Variants in CCDC38 observed in about 807,000 individuals in gnomAD.
CCDC38 encodes the protein coiled-coil domain-containing protein 38.
In CCDC38, 69 loss-of-function variants were observed where a neutral mutation model predicts 72.8. The observed-to-expected ratio is 0.95, with a 90% CI of 0.78 to 1.16. The LOEUF (loss-of-function observed/expected upper bound fraction) is 1.16. Among genes scored for constraint, CCDC38 ranks in the 50% most tolerant of loss-of-function variants. CCDC38 has a pLI of 0.00. For missense variants in CCDC38, 626 were observed against 638.9 expected (o/e 0.98, Z 0.22); for synonymous variants, 201 against 213.2 (o/e 0.94, Z 0.50).
Position 95,878,232 on chromosome 12 carries a change from T to C in CCDC38, c.1257A>G (p.Gly419=). 6.2e-7 allele frequency: 1 copy of C among 1,613,478 alleles called. No homozygotes were observed. ...LQLKSKLFSF[G]EFNSDAQEIL... is the part of the protein sequence containing the mutation. Reference sequence around the variant, plus strand: ...TTACCTGAGCATCTGAATTAAATTCTCCAAAGCTAAAGAGCTTGGACTTTA... The same window carrying C: ...TTACCTGAGCATCTGAATTAAATTCCCCAAAGCTAAAGAGCTTGGACTTTA... The change falls in exon 13 of 16, where the codon GGA becomes GGG. Residue 419 remains glycine (G), a synonymous_variant. Coordinates refer to ENST00000344280, the MANE Select transcript of CCDC38 (RefSeq NM_182496.3).
intron 1 of CCDC38, among the ~76,000 whole-genome samples, chr12:95,940,159 G>A (rs908422312): frequency 6.6e-6 from 1 of 152,080 alleles, no homozygotes; most frequent in Non-Finnish European, 1.5e-5. Context: ...GTCAACTGCC[G>A]CCATTTGAAA....
rs957624958 is a variant in CCDC38 at position 95,879,290 on chromosome 12, C to T, written c.1142+354G>A. On this transcript the variant is annotated intron_variant, in intron 12 of 15. Coordinates refer to ENST00000344280, the MANE Select transcript of CCDC38 (RefSeq NM_182496.3). This position sits in a 1 kb window ranked among gnomAD's most constrained non-coding sequence, Gnocchi z 5.5. ...CATTTGTTAGCATTATCATCCACAG[C>T]ATGATTTGGTAAAGTAAATGACAGC... 6.6e-6 allele frequency among the ~76,000 whole-genome samples: 1 copy of T among 152,180 alleles called. No homozygotes were observed. The highest frequency in any genetic ancestry group is 6.5e-5 in the Admixed American group (1 of 15,280).
chr12:95,903,518 G>C (rs2079971225), intron 5 of CCDC38: 3 of 696,654 alleles, frequency 4.3e-6, no homozygotes, highest in Non-Finnish European at 5.2e-6. Context: ...TAATGTTAGT[G>C]ATAAGTTTCT....
rs1291387148 is a variant in CCDC38, at chr12:95,879,236, T to C, written c.1142+408A>G. 2.0e-5 allele frequency among the ~76,000 whole-genome samples: 3 copies of C among 152,176 alleles called. No homozygotes were observed. The highest frequency in any genetic ancestry group is 4.4e-5 in the Non-Finnish European group (3 of 68,034). ...TATAATATTTAATCACAAAAATTAT[T>C]TTTCTGAGAGTCACAGCCAATGAAA... On this transcript the variant is annotated intron_variant, in intron 12 of 15. Transcript: ENST00000344280. The surrounding 1 kb of genome is among the most constrained non-coding windows in gnomAD (Gnocchi z 5.5).
At chr12:95,907,421 C>T (rs1244603148) in intron 4 of CCDC38, among the ~76,000 whole-genome samples, 4 of 134,504 alleles carry the variant, frequency 3.0e-5, no homozygotes, top group African/African-American at 6.1e-5. Context: ...CGCCCCTCAC[C>T]TCCCGGACGG....
intron 7 of CCDC38, 65 bp from the exon 8 acceptor site, chr12:95,895,211 A>C (rs538938030): frequency 2.5e-6 from 3 of 1,209,330 alleles, no homozygotes; most frequent in Non-Finnish European, 3.4e-6. Context: ...TTAGAAAAAA[A>C]TTTTTATAAA....
intron 2 of CCDC38, among the ~76,000 whole-genome samples, chr12:95,936,263 G>C (rs931185326): frequency 1.3e-5 from 2 of 151,998 alleles, no homozygotes; most frequent in Non-Finnish European, 2.9e-5. Flanking sequence ...GGGGCAATCT[G>C]GCTAAATATG....
chr12:95,939,766 G>T (rs1037405054), intron 1 of CCDC38, among the ~76,000 whole-genome samples: 1 of 152,182 alleles, frequency 6.6e-6, no homozygotes, highest in Non-Finnish European at 1.5e-5. Flanking sequence ...CCCCATGCTG[G>T]TTGATTTAAT....
chr12:95,909,347 C>A (rs1191285010), intron 4 of CCDC38, among the ~76,000 whole-genome samples: 3 of 152,048 alleles, frequency 2.0e-5, no homozygotes, highest in Non-Finnish European at 4.4e-5. Context: ...AAGATTGAAT[C>A]AGGAAGAAAT....
intron 1 of CCDC38, among the ~76,000 whole-genome samples, chr12:95,940,879 C>A (rs201672734): frequency 1.0e-4 from 8 of 79,152 alleles, no homozygotes; most frequent in East Asian, 2.5e-3. Context: ...TGAAAAAAAA[C>A]AAACAAACAA....
At chr12:95,880,566 T>C (rs1409768192) in intron 11 of CCDC38, among the ~76,000 whole-genome samples, 1 of 152,024 alleles carries the variant, frequency 6.6e-6, no homozygotes. Flanking sequence ...AGGCAGAGAA[T>C]TGCTTGAACT....
At chr12:95,871,928 A>G (rs1648786730) in intron 14 of CCDC38, among the ~76,000 whole-genome samples, 1 of 152,202 alleles carries the variant, frequency 6.6e-6, no homozygotes. Context: ...ACTTATTCAT[A>G]AATTTCATAT....
At chr12:95,931,893 C>G (rs928741513) in intron 2 of CCDC38, among the ~76,000 whole-genome samples, 3 of 152,076 alleles carry the variant, frequency 2.0e-5, no homozygotes, top group Non-Finnish European at 4.4e-5. Context: ...GAGAACCAGT[C>G]AAGTGGATAT....
chr12:95,905,839 T>C (rs775546433), intron 5 of CCDC38, among the ~76,000 whole-genome samples: 7 of 152,226 alleles, frequency 4.6e-5, no homozygotes, highest in Non-Finnish European at 1.0e-4. Context: ...GCCTGGCATC[T>C]AGCTAAAGTT....
chr12:95,867,827 A>G (rs10777746), intron 15 of CCDC38, among the ~76,000 whole-genome samples: 53,444 of 152,050 alleles, frequency 0.35, 9,884 homozygotes, highest in South Asian at 0.49. Flanking sequence ...CTGAATTTGT[A>G]TACATTAAAT....
chr12:95,870,713 T>C (rs1476690742), intron 14 of CCDC38, among the ~76,000 whole-genome samples: 1 of 152,234 alleles, frequency 6.6e-6, no homozygotes, highest in Non-Finnish European at 1.5e-5. Context: ...TAGTTTTTTT[T>C]AAAGCTTGCT....
intron 5 of CCDC38, among the ~76,000 whole-genome samples, chr12:95,900,948 A>T (rs1271952681): frequency 2.6e-5 from 4 of 152,184 alleles, no homozygotes; most frequent in Non-Finnish European, 4.4e-5. Flanking sequence ...GAGTGAGGTC[A>T]GAGAGTAAGC....
intron 3 of CCDC38, among the ~76,000 whole-genome samples, chr12:95,918,286 T>C (rs1462920671): frequency 6.6e-6 from 1 of 152,116 alleles, no homozygotes; most frequent in Admixed American, 6.6e-5. Flanking sequence ...CAACACCCCC[T>C]CCTCTACTTT....
intron 2 of CCDC38, among the ~76,000 whole-genome samples, chr12:95,926,374 G>A (rs1296919016): frequency 6.6e-6 from 1 of 152,046 alleles, no homozygotes; most frequent in Non-Finnish European, 1.5e-5. Context: ...ATTTCTGTGG[G>A]ATCGGTGGTG....
Sources: gnomAD v4.1 joint callset for allele counts (sites outside exome capture counted in the v4.1 genomes callset) on GRCh38, gnomAD v4.1.1 for gene constraint, Gnocchi (gnomAD v3.1) non-coding constraint, MANE v1.5 for transcripts, NCBI Gene and HGNC (gene_info 2026-07-23, HGNC 2026-07-21) for gene names.